The following PAPPA variants were observed in gnomAD, a reference collection of about 807,000 sequenced individuals.
PAPPA encodes pappalysin 1, also known as pappalysin-1.
PAPPA carries 60 observed loss-of-function variants against 164.0 expected under a neutral mutation model. The observed-to-expected ratio is 0.37, with a 90% CI of 0.30 to 0.45. The LOEUF (loss-of-function observed/expected upper bound fraction) is 0.45. Ranked by LOEUF, PAPPA falls within the 20% of genes least tolerant of loss-of-function variation. The probability of loss-of-function intolerance (pLI) is 1.00; values close to 1 mark genes in which losing one functional copy is unlikely to be tolerated. For synonymous variants in PAPPA, 875 were observed against 814.1 expected (o/e 1.07, Z -1.27); for missense variants, 1,782 against 2,087.3 (o/e 0.85, Z 2.85).
At chr9:116,272,596 A>G (rs1845150405) in intron 9 of PAPPA, among the ~76,000 whole-genome samples, 1 of 152,230 alleles carries the variant, frequency 6.6e-6, no homozygotes, top group Non-Finnish European at 1.5e-5. Context: ...GTAGGGGTTG[A>G]GCAACACAAT....
At chr9:116,280,018 G>A (rs1845248124) in intron 9 of PAPPA, among the ~76,000 whole-genome samples, 1 of 152,168 alleles carries the variant, frequency 6.6e-6, no homozygotes, top group South Asian at 2.1e-4. Flanking sequence ...ATAAAATGAT[G>A]GATGGGCAGT....
At chr9:116,336,872 A>C (rs1384319225) in intron 13 of PAPPA, among the ~76,000 whole-genome samples, 1 of 152,212 alleles carries the variant, frequency 6.6e-6, no homozygotes, top group African/African-American at 2.4e-5. Context: ...TGTGTTTCTC[A>C]ACAGTTAGGA....
Position 116,153,937 on chromosome 9 carries a change from G to C in PAPPA, c.-236G>C. 1 of 289,592 alleles carries C rather than the reference G, an allele frequency of 3.5e-6. No homozygotes were observed. The highest frequency in any genetic ancestry group is 5.7e-6 in the Non-Finnish European group (1 of 176,446). The allele number at this position is 289,592 out of a possible 1,614,324, so 17.9% of individuals were successfully genotyped here. Reference sequence around the variant, plus strand: ...GGAAAAATAAGGCAGATAAAGGAGCGGGGAGAGAAATTAATTGCCAACCAG... The same window carrying C: ...GGAAAAATAAGGCAGATAAAGGAGCCGGGAGAGAAATTAATTGCCAACCAG... On this transcript the variant is annotated 5_prime_UTR_variant, in exon 1 of 22. Coordinates refer to ENST00000328252, the MANE Select transcript of PAPPA (RefSeq NM_002581.5).
At chr9:116,392,537 C>T (rs1294112991) in intron 21 of PAPPA, among the ~76,000 whole-genome samples, 1 of 152,222 alleles carries the variant, frequency 6.6e-6, no homozygotes, top group Non-Finnish European at 1.5e-5. Context: ...CAATGGTATT[C>T]ACCGCTTGAG....
chr9:116,382,251 G>C (rs1846742222), intron 20 of PAPPA, 144 bp from the exon 21 acceptor site: 2 of 641,768 alleles, frequency 3.1e-6, no homozygotes, highest in Non-Finnish European at 5.7e-6. Flanking sequence ...TCATTCAAGG[G>C]GGTGTTGGGG....
intron 1 of PAPPA, among the ~76,000 whole-genome samples, chr9:116,181,179 A>T (rs1843900226): frequency 6.6e-6 from 1 of 152,210 alleles, no homozygotes; most frequent in African/African-American, 2.4e-5. Flanking sequence ...GAGCTTAGAA[A>T]ACTTGTTGAA....
At chr9:116,199,876 G>A (rs1353809694) in intron 2 of PAPPA, among the ~76,000 whole-genome samples, 1 of 152,098 alleles carries the variant, frequency 6.6e-6, no homozygotes, top group Admixed American at 6.6e-5. Flanking sequence ...CATGGCAAGA[G>A]AAGAAGCAAG....
At chr9:116,346,560 C>T (rs1165252465) in intron 14 of PAPPA, among the ~76,000 whole-genome samples, 1 of 152,142 alleles carries the variant, frequency 6.6e-6, no homozygotes, top group Non-Finnish European at 1.5e-5. Flanking sequence ...CAACAAGTTC[C>T]TAGTAACTCC....
intron 19 of PAPPA, among the ~76,000 whole-genome samples, chr9:116,371,291 C>T (rs751691765): frequency 6.6e-6 from 1 of 152,114 alleles, no homozygotes; most frequent in Admixed American, 6.5e-5. Context: ...GTGGCGCACA[C>T]CTGTAATCCC....
At chr9:116,184,965 G>T (rs1394349117) in intron 1 of PAPPA, among the ~76,000 whole-genome samples, 1 of 152,150 alleles carries the variant, frequency 6.6e-6, no homozygotes, top group African/African-American at 2.4e-5. Context: ...GGATAATGGT[G>T]AGAACACAGG....
At chr9:116,208,668 T>A (rs1262119107) in intron 3 of PAPPA, among the ~76,000 whole-genome samples, 1 of 152,228 alleles carries the variant, frequency 6.6e-6, no homozygotes, top group Non-Finnish European at 1.5e-5. Flanking sequence ...GCCTGCCTGG[T>A]CTCCTGGTGA....
chr9:116,307,425 C>T (rs1438493194), intron 10 of PAPPA, among the ~76,000 whole-genome samples: 5 of 151,968 alleles, frequency 3.3e-5, no homozygotes, highest in Admixed American at 6.6e-5. Context: ...CATGGTGAAA[C>T]CCCGTCTCTA....
rs566377009 is a variant in PAPPA at position 116,308,406 on chromosome 9, T to C, written c.3147+5456T>C. On this transcript the variant is annotated intron_variant, in intron 10 of 21. Transcript: ENST00000328252. ...AATTATAAAAATAGCATTTATCAACTTCTTCCAGGCTTTCCACCAAATTTC... is the reference window on the plus strand; with the variant it reads ...AATTATAAAAATAGCATTTATCAACCTCTTCCAGGCTTTCCACCAAATTTC... 7.5e-4 allele frequency among the ~76,000 whole-genome samples: 114 copies of C among 152,348 alleles called. 1 individual carries two copies. Among genetic ancestry groups the C allele is most frequent in the African/African-American group, 2.6e-3 (107 of 41,590 alleles).
intron 13 of PAPPA, among the ~76,000 whole-genome samples, chr9:116,342,143 A>G (rs967707645): frequency 6.6e-6 from 1 of 152,216 alleles, no homozygotes; most frequent in South Asian, 2.1e-4. Flanking sequence ...GAATGCCCAA[A>G]CTGTTAGGCA....
chr9:116,195,502 GT>G (rs1247190057), intron 2 of PAPPA, among the ~76,000 whole-genome samples: 1 of 152,186 alleles, frequency 6.6e-6, no homozygotes, highest in Non-Finnish European at 1.5e-5. Flanking sequence ...TCATTTAACA[GT>G]TCTGTAACCT....
At chr9:116,210,307 C>T (rs1403672586) in intron 3 of PAPPA, among the ~76,000 whole-genome samples, 10 of 152,142 alleles carry the variant, frequency 6.6e-5, no homozygotes, top group African/African-American at 1.2e-4. Flanking sequence ...GACCCTAACA[C>T]GGAGACAGAG....
Position 116,271,089 on chromosome 9 carries a change from A to C in PAPPA, c.2862-236A>C, listed in dbSNP as rs1207758260. 6.6e-6 allele frequency among the ~76,000 whole-genome samples: 1 copy of C among 152,206 alleles called. No individual in the cohort carries two copies. The highest frequency in any genetic ancestry group is 2.4e-5 in the African/African-American group (1 of 41,462). On this transcript the variant is annotated intron_variant, in intron 8 of 21. Transcript: ENST00000328252. This position sits in a 1 kb window ranked among gnomAD's most constrained non-coding sequence, Gnocchi z 4.2. ...CTTGAGATCTCAGAGAATGAGTTGG[A>C]ATCAGGACTTCTACTTTGTCATCAG... is the stretch of plus-strand genomic sequence containing the variant.
At chr9:116,229,343 ACT>A (rs1360770671) in intron 6 of PAPPA, among the ~76,000 whole-genome samples, 1 of 152,024 alleles carries the variant, frequency 6.6e-6, no homozygotes, top group Non-Finnish European at 1.5e-5. Flanking sequence ...TGCTTTTTCC[ACT>A]CTCATTCTCT....
intron 10 of PAPPA, among the ~76,000 whole-genome samples, chr9:116,306,482 A>T (rs1189729664): frequency 1.3e-5 from 2 of 152,184 alleles, no homozygotes; most frequent in Non-Finnish European, 2.9e-5. Flanking sequence ...CTCATATCCA[A>T]ATCTTATCAG....
Sources: allele counts gnomAD v4.1 joint callset (sites outside exome capture counted in the v4.1 genomes callset), GRCh38; gene constraint gnomAD v4.1.1; non-coding constraint Gnocchi (gnomAD v3.1); transcripts MANE v1.5; gene names NCBI Gene and HGNC (gene_info 2026-07-23, HGNC 2026-07-21).